Variants in TEX29 observed in about 807,000 individuals in gnomAD.
TEX29 encodes testis expressed 29.
TEX29 carries 26 observed loss-of-function variants against 18.2 expected under a neutral mutation model. That is an observed-to-expected ratio of 1.43 (90% CI 1.04 to 1.98). TEX29 has a LOEUF of 1.98. Ranked by LOEUF, TEX29 falls within the 30% of genes most tolerant of loss-of-function variation. The pLI, the probability that TEX29 is intolerant of heterozygous loss-of-function variation, is 0.00. For missense variants in TEX29, 177 were observed against 194.2 expected (o/e 0.91, Z 0.53); for synonymous variants, 83 against 78.5 (o/e 1.06, Z -0.31).
chr13:111,333,523 T>A (rs1322764298), intron 3 of TEX29, among the ~76,000 whole-genome samples: 1 of 152,266 alleles, frequency 6.6e-6, no homozygotes, highest in Non-Finnish European at 1.5e-5. Flanking sequence ...TTTTCATTTC[T>A]GTTATTGTAC....
chr13:111,339,733 G>T (rs779878462), intron 3 of TEX29, 130 bp from the exon 4 acceptor site: 2 of 783,988 alleles, frequency 2.6e-6, no homozygotes, highest in Non-Finnish European at 4.4e-6. Context: ...GAGGGTGGGT[G>T]AGGAGTGCTG....
At chr13:111,342,455 G>C (rs1026165648) in intron 4 of TEX29, among the ~76,000 whole-genome samples, 1 of 151,632 alleles carries the variant, frequency 6.6e-6, no homozygotes, top group Non-Finnish European at 1.5e-5. Flanking sequence ...AGCACTTTGG[G>C]AGGCTGAGGT....
rs776204138 is a variant in TEX29, at chr13:111,342,758, T to G, written c.242T>G (p.Val81Gly). ...GAFVITIIYR[V>G]IQESRKEKAI... is the part of the protein sequence containing the mutation. ...TGATAAAACCCTCTTCCCATCAGAG[T>G]CATTCAGGAGAGCAGGAAAGAAAAG... The change falls in exon 5 of 6, where the codon GTC becomes GGC. Residue 81 changes from valine to glycine, a missense_variant and splice_region_variant. Val to Gly is a moderately radical substitution (Grantham distance 109). Transcript: ENST00000283547. The G allele has an allele frequency of 6.2e-7, 1 of 1,613,364 alleles. No homozygotes were observed. The highest frequency in any genetic ancestry group is 2.2e-5 in the East Asian group (1 of 44,852).
chr13:111,329,780 C>T (rs887623109), intron 3 of TEX29, among the ~76,000 whole-genome samples: 34 of 152,250 alleles, frequency 2.2e-4, no homozygotes, highest in African/African-American at 7.9e-4. Flanking sequence ...CTGAGGGTCT[C>T]GTTCCAGTGG....
At position 111,339,429 on chromosome 13, in the gene TEX29, A is replaced by G. The variant is rs1216841567; in HGVS notation, c.170-434A>G. 6.8e-6 allele frequency: 3 copies of G among 443,270 alleles called. No individual in the cohort carries two copies. The East Asian group carries it at 2.1e-4, about 31-fold the overall frequency. 27.5% of individuals were successfully genotyped at this position (443,270 alleles called of 1,614,324 possible). A position where few individuals can be genotyped will look rare whatever the true frequency, so the allele number is the denominator to read the frequency against. On this transcript the variant is annotated intron_variant, in intron 3 of 5. Coordinates refer to ENST00000283547, the MANE Select transcript of TEX29 (RefSeq NM_152324.3). Reference sequence around the variant, plus strand: ...AGCCAGCACCATCTATCCTCCACACACTCCCGAGGGTCAGGAGCCAGCGCC... The same window carrying G: ...AGCCAGCACCATCTATCCTCCACACGCTCCCGAGGGTCAGGAGCCAGCGCC...
At chr13:111,344,051 G>GA (rs1349710891) in intron 5 of TEX29, 32 bp from the exon 6 acceptor site, 2 of 1,587,398 alleles carry the variant, frequency 1.3e-6, no homozygotes, top group East Asian at 2.2e-5. Context: ...TATTCCATTT[G>GA]AAAAAACAAT....
chr13:111,320,621 C>G, upstream of TEX29: 1 of 547,630 alleles, frequency 1.8e-6, no homozygotes, highest in Non-Finnish European at 3.3e-6. Context: ...GTGGTGTGTG[C>G]CCAGCCTGGT....
At chr13:111,320,539 C>T (rs1056747150), upstream of TEX29, 7 of 362,662 alleles carry the variant, frequency 1.9e-5, no homozygotes, top group Non-Finnish European at 3.1e-5. Context: ...AAGGTGGACA[C>T]GCACACGGCT....
chr13:111,327,304 A>T (rs2093675662), intron 2 of TEX29, among the ~76,000 whole-genome samples: 1 of 152,216 alleles, frequency 6.6e-6, no homozygotes, highest in South Asian at 2.1e-4. Context: ...AACCTGAAAG[A>T]CTAAATCAAC....
At chr13:111,328,326 A>G (rs779684385) in intron 3 of TEX29, 33 bp downstream of exon 3, 1 of 1,494,880 alleles carries the variant, frequency 6.7e-7, no homozygotes, top group South Asian at 1.1e-5. Flanking sequence ...CCGTGGCGGA[A>G]GCCGAGGTAG....
intron 3 of TEX29, among the ~76,000 whole-genome samples, chr13:111,333,317 C>T (rs1283375577): frequency 6.6e-6 from 1 of 152,136 alleles, no homozygotes; most frequent in Non-Finnish European, 1.5e-5. Flanking sequence ...TGTTATCTTT[C>T]TCCTCTCCCT....
chr13:111,332,605 TG>T (rs982526248), intron 3 of TEX29, among the ~76,000 whole-genome samples: 1 of 152,322 alleles, frequency 6.6e-6, no homozygotes, highest in African/African-American at 2.4e-5. Context: ...GTCTTGTTCC[TG>T]ATCTTAAGAA....
intron 2 of TEX29, among the ~76,000 whole-genome samples, chr13:111,322,573 C>T (rs75309059): frequency 2.4e-4 from 37 of 152,252 alleles, no homozygotes; most frequent in Non-Finnish European, 4.1e-4. Context: ...GGGGTCATCT[C>T]AGGTGTGCCA....
chr13:111,321,700 G>A (rs34373284), intron 2 of TEX29, among the ~76,000 whole-genome samples: 37,932 of 151,850 alleles, frequency 0.25, 5,258 homozygotes, highest in African/African-American at 0.38. Context: ...AGGCAGGTGG[G>A]CCACCTGAGG....
intron 3 of TEX29, among the ~76,000 whole-genome samples, chr13:111,338,052 G>T (rs2093691947): frequency 6.6e-6 from 1 of 152,202 alleles, no homozygotes; most frequent in South Asian, 2.1e-4. Flanking sequence ...CCTGTGATGA[G>T]TCCAGGGAGT....
At chr13:111,338,717 T>C (rs1368924470) in intron 3 of TEX29, among the ~76,000 whole-genome samples, 3 of 152,188 alleles carry the variant, frequency 2.0e-5, no homozygotes, top group Non-Finnish European at 2.9e-5. Context: ...CTAATATTGA[T>C]AATAATAACA....
intron 3 of TEX29, among the ~76,000 whole-genome samples, chr13:111,331,484 ATACT>A (rs1479218495): frequency 6.6e-6 from 1 of 152,016 alleles, no homozygotes; most frequent in African/African-American, 2.4e-5. Flanking sequence ...TGACTTGCAA[ATACT>A]TTCTATTATT....
chr13:111,325,173 A>G (rs1175870646), intron 2 of TEX29, among the ~76,000 whole-genome samples: 2 of 152,198 alleles, frequency 1.3e-5, no homozygotes, highest in Non-Finnish European at 2.9e-5. Context: ...GTTTCAGTAG[A>G]TCAGGAAGAA....
upstream of TEX29, among the ~76,000 whole-genome samples, chr13:111,317,022 C>T (rs2093655671): frequency 6.6e-6 from 1 of 152,184 alleles, no homozygotes; most frequent in African/African-American, 2.4e-5. Flanking sequence ...GGTCCAATCA[C>T]CCCCCACCAC....
Sources: allele counts gnomAD v4.1 joint callset (sites outside exome capture counted in the v4.1 genomes callset), GRCh38; gene constraint gnomAD v4.1.1; transcripts MANE v1.5; gene names NCBI Gene and HGNC (gene_info 2026-07-23, HGNC 2026-07-21).